SH3RF2: variants seen among roughly 807,000 people sequenced by gnomAD.
SH3RF2 encodes the protein E3 ubiquitin-protein ligase SH3RF2.
In SH3RF2, 43 loss-of-function variants were observed where a neutral mutation model predicts 59.0. The observed-to-expected ratio is 0.73, with a 90% confidence interval of 0.57 to 0.94. SH3RF2 has a LOEUF of 0.94. Ranked by LOEUF, SH3RF2 falls within the 40% of genes least tolerant of loss-of-function variation. The pLI is 0.00. For missense variants in SH3RF2, 930 were observed against 940.1 expected, an observed-to-expected ratio of 0.99 and a Z score of 0.14; for synonymous variants, 391 against 391.5, an observed-to-expected ratio of 1.00 and a Z score of 0.01.
At chr5:145,979,080 C>T (rs1295860724) in intron 2 of SH3RF2, among the ~76,000 whole-genome samples, 8 of 152,160 alleles carry the variant, frequency 5.3e-5, no homozygotes, top group African/African-American at 1.9e-4. Context: ...GATTAAAGTC[C>T]TGGCCCTAAG....
At position 145,938,155 on chromosome 5, in the gene SH3RF2, T is replaced by G; in HGVS notation, c.227T>G (p.Val76Gly). ...CTGCTCGTGCGCCTTCTGGATGGAG[T>G]GCGCTCAGGGCAGAGCTCCGGGAGA... is the stretch of plus-strand genomic sequence containing the variant. The part of the protein sequence containing the change: ...NLLLVRLLDG[V>G]RSGQSSGRGG... The change falls in exon 2 of 10, where the codon GTG (valine) becomes GGG (glycine). Residue 76 changes from valine to glycine, a missense_variant. Transcript: ENST00000359120. 3 of 1,614,060 alleles carry G rather than the reference T, an allele frequency of 1.9e-6. No homozygotes were observed. The highest frequency in any genetic ancestry group is 2.5e-6 in the Non-Finnish European group (3 of 1,180,004).
chr5:146,037,443 C>T (rs1310985426), intron 5 of SH3RF2, among the ~76,000 whole-genome samples: 1 of 152,112 alleles, frequency 6.6e-6, no homozygotes, highest in African/African-American at 2.4e-5. Context: ...CTGGGACTCT[C>T]GGGTGCTCTA....
At chr5:146,057,928 GTCTCTCTCTCTCTCTCTCTCTCTCTCTC>G (rs58826823) in intron 8 of SH3RF2, among the ~76,000 whole-genome samples, 1 of 133,178 alleles carries the variant, frequency 7.5e-6, no homozygotes, top group African/African-American at 3.0e-5. Flanking sequence ...GGCTGTTAGT[GTCTCTCTCTCTCTCTCTCTCTCTCTCTC>G]TCTCTCTCTC....
chr5:146,039,942 C>G (rs531962536), intron 5 of SH3RF2, among the ~76,000 whole-genome samples: 1 of 152,256 alleles, frequency 6.6e-6, no homozygotes, highest in African/African-American at 2.4e-5. Context: ...CAAATATATG[C>G]GAAAACTTCC....
chr5:145,970,307 T>C (rs1478975535), intron 2 of SH3RF2, among the ~76,000 whole-genome samples: 1 of 151,962 alleles, frequency 6.6e-6, no homozygotes, highest in Non-Finnish European at 1.5e-5. Context: ...CAAAGACCAT[T>C]ATATCATTCT....
At chr5:146,030,635 A>G (rs1561752116) in intron 5 of SH3RF2, among the ~76,000 whole-genome samples, 1 of 151,900 alleles carries the variant, frequency 6.6e-6, no homozygotes, top group Admixed American at 6.6e-5. Context: ...CTGTTCATTC[A>G]TTTCTTTGAG....
chr5:145,995,565 A>T (rs1161544740), intron 2 of SH3RF2, among the ~76,000 whole-genome samples: 2 of 152,174 alleles, frequency 1.3e-5, no homozygotes, highest in Non-Finnish European at 1.5e-5. Context: ...AATTCCTCTC[A>T]TACCTTTTAC....
In SH3RF2 at chr5:146,056,078, G is replaced by A; in HGVS notation, c.1420G>A (p.Gly474Ser). The A allele has an allele frequency of 6.2e-7, 1 of 1,614,242 alleles. No individual in the cohort carries two copies. Among genetic ancestry groups the A allele is most frequent in the Non-Finnish European group, 8.5e-7 (1 of 1,180,050 alleles). Reference protein sequence around the residue: ...SVSSQGSISEGDPRQSRPFKS... With the variant: ...SVSSQGSISESDPRQSRPFKS... ...GTCCTCCCAAGGCAGCATTTCAGAA[G>A]GTGATCCACGGCAAAGCCGTCCCTT... Residue 474 changes from glycine to serine, a missense_variant, in exon 8 of 10, where the codon GGT becomes AGT. Coordinates refer to ENST00000359120, the MANE Select transcript of SH3RF2 (RefSeq NM_152550.4).
At chr5:145,997,265 AAATG>A in intron 2 of SH3RF2, 1 of 966,762 alleles carries the variant, frequency 1.0e-6, no homozygotes, top group Non-Finnish European at 1.7e-6. Flanking sequence ...ATGCATCTGT[AAATG>A]TACATGGAAC....
At chr5:146,026,256 C>T (rs1386876074) in intron 5 of SH3RF2, among the ~76,000 whole-genome samples, 1 of 152,152 alleles carries the variant, frequency 6.6e-6, no homozygotes, top group African/African-American at 2.4e-5. Context: ...AACTAATAGT[C>T]CCTACAATAT....
In SH3RF2 at chr5:145,938,256, C is replaced by A. The variant is rs760574672; in HGVS notation, c.328C>A (p.Gln110Lys). 6.3e-7 allele frequency: 1 copy of A among 1,599,764 alleles called. No individual in the cohort carries two copies. The part of the protein sequence containing the change: ...RKSRTNPRRL[Q>K]ASPFRLVPNV... Reference sequence around the variant, plus strand: ...AAGCAGGACCAACCCCAGACGTCTGCAGGCCAGTCCTTTCCGGCTAGTGCC... The same window carrying A: ...AAGCAGGACCAACCCCAGACGTCTGAAGGCCAGTCCTTTCCGGCTAGTGCC... Residue 110 changes from glutamine (Q) to lysine (K), a missense_variant, in exon 2 of 10, where the codon CAG becomes AAG. Transcript: ENST00000359120.
rs369258816 is a variant in SH3RF2, at chr5:145,998,053, G to A, written c.379-2005G>A. 307 of 586,510 alleles carry A rather than the reference G, an allele frequency of 5.2e-4. 3 individuals carry two copies. In the South Asian group the frequency reaches 6.8e-3, roughly 13 times the overall value. The allele number at this position is 586,510 out of a possible 1,614,324, so 36.3% of individuals were successfully genotyped here. A position where few individuals can be genotyped will look rare whatever the true frequency, so the allele number is the denominator to read the frequency against. On this transcript the variant is annotated intron_variant, in intron 2 of 9. Transcript: ENST00000359120. ...GAGACTACATAGAAAACTACAAGAT[G>A]TATGAAGTTGCAAATAATGATGAAA...
intron 2 of SH3RF2, among the ~76,000 whole-genome samples, chr5:145,968,667 A>G (rs990478415): frequency 6.6e-6 from 1 of 152,274 alleles, no homozygotes; most frequent in African/African-American, 2.4e-5. Flanking sequence ...TTATTTCAAC[A>G]TGTAATCAAT....
chr5:145,969,226 A>G (rs528936497), intron 2 of SH3RF2, among the ~76,000 whole-genome samples: 4 of 152,344 alleles, frequency 2.6e-5, no homozygotes, highest in African/African-American at 7.2e-5. Flanking sequence ...ATGAAGCACA[A>G]TTCCTGCACT....
At chr5:145,996,292 G>A (rs1264480171) in intron 2 of SH3RF2, among the ~76,000 whole-genome samples, 1 of 152,182 alleles carries the variant, frequency 6.6e-6, no homozygotes, top group East Asian at 1.9e-4. Flanking sequence ...AATGCGAGGT[G>A]ATTACATAAT....
rs755228314 is a variant in SH3RF2, at chr5:146,062,528, G to T, written c.2017G>T (p.Ala673Ser). Residue 673 changes from alanine (A) to serine (S), a missense_variant, in exon 10 of 10, where the codon GCG becomes TCG. Transcript: ENST00000359120. ...GCCTGAACAGCCAGCCACCCTCAAG[G>T]CGTCCCAGCCTGAAGCAGCGTCCTT... Reference protein sequence around the residue: ...GKPEQPATLKASQPEAASLGP... With the variant: ...GKPEQPATLKSSQPEAASLGP... 5.0e-6 allele frequency: 8 copies of T among 1,614,066 alleles called. No individual in the cohort carries two copies. Among genetic ancestry groups the T allele is most frequent in the Non-Finnish European group, 6.8e-6 (8 of 1,180,030 alleles).
intron 2 of SH3RF2, among the ~76,000 whole-genome samples, chr5:145,998,567 G>A (rs1374003624): frequency 6.6e-6 from 1 of 152,084 alleles, no homozygotes; most frequent in Non-Finnish European, 1.5e-5. Context: ...CCACAATAAA[G>A]CTAATACCAT....
chr5:146,064,792 G>GAAAGAAAGA (rs1204654795), downstream of SH3RF2, among the ~76,000 whole-genome samples: 1 of 33,938 alleles, frequency 2.9e-5, no homozygotes, highest in African/African-American at 1.1e-4. Context: ...AGGAAGGAAG[G>GAAAGAAAGA]AAGGAAGGAA....
intron 2 of SH3RF2, among the ~76,000 whole-genome samples, chr5:145,951,611 G>T (rs1229858131): frequency 6.6e-6 from 1 of 152,026 alleles, no homozygotes; most frequent in African/African-American, 2.4e-5. Context: ...TGAATTTCCA[G>T]TTTGGGGAAG....
Sources: allele counts gnomAD v4.1 joint callset (sites outside exome capture counted in the v4.1 genomes callset), GRCh38; gene constraint gnomAD v4.1.1; transcripts MANE v1.5; gene names NCBI Gene and HGNC (gene_info 2026-07-23, HGNC 2026-07-21).